Variants in PEX13 observed in about 807,000 individuals in gnomAD.
PEX13 encodes the protein peroxisome biogenesis factor 13.
Under a neutral mutation model 34.5 loss-of-function variants are expected in PEX13, and 28 were observed. The observed-to-expected ratio is 0.81, with a 90% CI of 0.60 to 1.11. The LOEUF is 1.11. PEX13 is among the 50% of genes most tolerant of loss of function. The pLI, the probability that PEX13 is intolerant of heterozygous loss-of-function variation, is 0.00. For missense variants in PEX13, 550 were observed against 491.0 expected, an observed-to-expected ratio of 1.12 and a Z score of -1.13; for synonymous variants, 177 against 175.1, an observed-to-expected ratio of 1.01 and a Z score of -0.09.
rs992499992 is a variant in PEX13, at chr2:61,050,396, A to T, written c.*1626A>T. 3.3e-5 allele frequency: 5 copies of T among 152,236 alleles called. No homozygotes were observed. Among genetic ancestry groups the T allele is most frequent in the African/African-American group, 1.2e-4 (5 of 41,436 alleles). 9.4% of individuals were successfully genotyped at this position (152,236 alleles called of 1,614,324 possible). A position where few individuals can be genotyped will look rare whatever the true frequency, so the allele number is the denominator to read the frequency against. On this transcript the variant is annotated 3_prime_UTR_variant, in exon 4 of 4. Coordinates refer to ENST00000295030, the MANE Select transcript of PEX13 (RefSeq NM_002618.4). ...GTCTCAAAACAAACAAACAAAAAAT[A>T]ATAATACGATAATGCTATTTGACGT...
At chr2:61,037,648 C>A (rs1352304409) in intron 2 of PEX13, among the ~76,000 whole-genome samples, 1 of 152,072 alleles carries the variant, frequency 6.6e-6, no homozygotes, top group East Asian at 1.9e-4. Context: ...ACTAAATGCC[C>A]ACAAGAAGCA....
intron 1 of PEX13, among the ~76,000 whole-genome samples, chr2:61,026,098 C>G (rs1265746002): frequency 6.6e-6 from 1 of 151,572 alleles, no homozygotes; most frequent in African/African-American, 2.4e-5. Context: ...TTTTTTTTTC[C>G]TCCTTGATTT....
At chr2:61,047,446 G>C (rs909390487) in intron 3 of PEX13, among the ~76,000 whole-genome samples, 4 of 152,114 alleles carry the variant, frequency 2.6e-5, no homozygotes, top group African/African-American at 7.2e-5. Flanking sequence ...GTACCACCAC[G>C]CTGGGCCTAT....
rs1250680632 is a variant in PEX13 at position 61,049,470 on chromosome 2, C to G, written c.*700C>G. ...AAACTGTTCCATTTCTTCTAAGGAT[C>G]CCTTAATTATTTATCTCTTTAAGCC... On this transcript the variant is annotated 3_prime_UTR_variant, in exon 4 of 4. Transcript: ENST00000295030. The G allele has an allele frequency of 1.3e-5, 2 of 152,490 alleles. No individual in the cohort carries two copies. Among genetic ancestry groups the G allele is most frequent in the East Asian group, 1.9e-4 (1 of 5,326 alleles). The allele number at this position is 152,490 out of a possible 1,614,324, so 9.4% of individuals were successfully genotyped here. A position where few individuals can be genotyped will look rare whatever the true frequency, so the allele number is the denominator to read the frequency against.
intron 2 of PEX13, among the ~76,000 whole-genome samples, chr2:61,044,478 T>C (rs549908041): frequency 2.6e-5 from 4 of 152,328 alleles, no homozygotes; most frequent in Non-Finnish European, 4.4e-5. Flanking sequence ...CTTGAACTGC[T>C]GGACTCATGC....
intron 2 of PEX13, among the ~76,000 whole-genome samples, chr2:61,034,657 C>G (rs1314313438): frequency 6.6e-6 from 1 of 152,240 alleles, no homozygotes; most frequent in South Asian, 2.1e-4. Flanking sequence ...GAGATTCCCT[C>G]CTGTGCCTGG....
At chr2:61,043,254 T>G (rs1403837923) in intron 2 of PEX13, among the ~76,000 whole-genome samples, 2 of 151,110 alleles carry the variant, frequency 1.3e-5, no homozygotes. Context: ...CCTGGCACTT[T>G]GGTAGGCCGA....
At chr2:61,018,549 T>G (rs771557650) in intron 1 of PEX13, 1 of 291,550 alleles carries the variant, frequency 3.4e-6, no homozygotes, top group African/African-American at 2.2e-5. Context: ...GAGTTGGGAG[T>G]GTTTCGTGGC....
chr2:61,023,408 C>A (rs1680297992), intron 1 of PEX13, among the ~76,000 whole-genome samples: 2 of 149,702 alleles, frequency 1.3e-5, no homozygotes, highest in Non-Finnish European at 3.0e-5. Flanking sequence ...TACAGACACA[C>A]ACACACACAC....
At chr2:61,036,581 A>AT (rs1380032189) in intron 2 of PEX13, among the ~76,000 whole-genome samples, 3 of 152,150 alleles carry the variant, frequency 2.0e-5, no homozygotes, top group East Asian at 1.9e-4. Context: ...ATGCTGAGAG[A>AT]TTTTTTCACC....
intron 2 of PEX13, among the ~76,000 whole-genome samples, chr2:61,042,156 T>G (rs1451789226): frequency 6.6e-6 from 1 of 152,302 alleles, no homozygotes; most frequent in East Asian, 1.9e-4. Context: ...GATGTGAAAA[T>G]TATATAGAAT....
chr2:61,018,212 GCGGCATTTGTCCAGCCA>G (rs1284014635), intron 1 of PEX13: 26 of 1,550,928 alleles, frequency 1.7e-5, no homozygotes, highest in Non-Finnish European at 2.3e-5. Context: ...GCAGTTGAGA[GCGGCATTTGTCCAGCCA>G]CGGCATCGAC....
chr2:61,037,191 C>T (rs1680550609), intron 2 of PEX13, among the ~76,000 whole-genome samples: 1 of 152,126 alleles, frequency 6.6e-6, no homozygotes, highest in Non-Finnish European at 1.5e-5. Flanking sequence ...TTTAACAGCC[C>T]ACTGTCAATA....
intron 1 of PEX13, among the ~76,000 whole-genome samples, chr2:61,025,210 A>G (rs1680332243): frequency 6.6e-6 from 1 of 151,934 alleles, no homozygotes. Flanking sequence ...CTGGGATTAC[A>G]GGCACCTGCC....
intron 1 of PEX13, among the ~76,000 whole-genome samples, chr2:61,025,543 GA>G (rs1223202028): frequency 6.6e-6 from 1 of 152,058 alleles, no homozygotes; most frequent in Non-Finnish European, 1.5e-5. Context: ...ATTTTTAGTA[GA>G]GACAGGGTTT....
rs1434185756 is a variant in PEX13, at chr2:61,028,667, A to C, written c.93-2752A>C. ...CTCCCAAAGTGCTGGGATTACAGGC[A>C]TGAGCCACCATGCCTGGGCTGGGGG... On this transcript the variant is annotated intron_variant, in intron 1 of 3. Coordinates refer to ENST00000295030, the MANE Select transcript of PEX13 (RefSeq NM_002618.4). 2.6e-5 allele frequency among the ~76,000 whole-genome samples: 4 copies of C among 151,770 alleles called. No individual in the cohort carries two copies. The South Asian group carries it at 8.5e-4, about 32-fold the overall frequency.
intron 2 of PEX13, among the ~76,000 whole-genome samples, chr2:61,043,377 C>T (rs138793365): frequency 1.4e-5 from 2 of 146,206 alleles, no homozygotes; most frequent in Admixed American, 6.9e-5. Context: ...AAAGACAGTA[C>T]TGCTTAGTTG....
At chr2:61,028,686 C>T (rs987384966) in intron 1 of PEX13, among the ~76,000 whole-genome samples, 1 of 151,794 alleles carries the variant, frequency 6.6e-6, no homozygotes, top group African/African-American at 2.4e-5. Flanking sequence ...CATGCCTGGG[C>T]TGGGGGTAGG....
intron 1 of PEX13, chr2:61,018,286 C>T (rs1205404233): frequency 1.9e-6 from 3 of 1,550,468 alleles, no homozygotes. Flanking sequence ...CGAGAAGTTG[C>T]TGAAAGCCGG....
Sources: allele counts gnomAD v4.1 joint callset (sites outside exome capture counted in the v4.1 genomes callset), GRCh38; gene constraint gnomAD v4.1.1; transcripts MANE v1.5; gene names NCBI Gene and HGNC (gene_info 2026-07-23, HGNC 2026-07-21).